Variants in ATXN7L1 observed in about 807,000 individuals in gnomAD.
ATXN7L1 encodes the protein ataxin 7 like 1.
Under a neutral mutation model 70.8 loss-of-function variants are expected in ATXN7L1, and 15 were observed. The observed-to-expected ratio is 0.21, with a 90% CI of 0.14 to 0.33. The LOEUF (loss-of-function observed/expected upper bound fraction) is 0.33. ATXN7L1 is among the 10% of genes least tolerant of loss of function. ATXN7L1 has a pLI of 1.00. For missense variants in ATXN7L1, 975 were observed against 1,097.1 expected, an observed-to-expected ratio of 0.89 and a Z score of 1.57; for synonymous variants, 440 against 445.1, an observed-to-expected ratio of 0.99 and a Z score of 0.14.
intron 2 of ATXN7L1, among the ~76,000 whole-genome samples, chr7:105,812,101 C>CG (rs1396327009): frequency 6.6e-6 from 1 of 152,208 alleles, no homozygotes. Flanking sequence ...TCTCAAGCCC[C>CG]CCTGGATGCT....
At chr7:105,861,660 G>A (rs1161834883) in intron 2 of ATXN7L1, among the ~76,000 whole-genome samples, 3 of 152,178 alleles carry the variant, frequency 2.0e-5, no homozygotes, top group South Asian at 2.1e-4. Context: ...TGTCAGAATC[G>A]CCACACACAG....
intron 3 of ATXN7L1, among the ~76,000 whole-genome samples, chr7:105,668,257 G>GA (rs1045523954): frequency 1.3e-5 from 2 of 151,638 alleles, no homozygotes; most frequent in Admixed American, 6.6e-5. Flanking sequence ...TTTTGAGACA[G>GA]AAAAAAAACT....
intron 7 of ATXN7L1, among the ~76,000 whole-genome samples, chr7:105,629,305 ACTCT>A (rs1187493207): frequency 6.6e-6 from 1 of 151,190 alleles, no homozygotes; most frequent in East Asian, 1.9e-4. Context: ...CTGGCACTCT[ACTCT>A]CTCTGTGAAT....
intron 9 of ATXN7L1, among the ~76,000 whole-genome samples, chr7:105,619,516 ATATATATATATATATTTTTTTT>A (rs1562900679): frequency 1.2e-4 from 3 of 24,058 alleles, no homozygotes; most frequent in Non-Finnish European, 2.6e-4. Context: ...ATATATATAT[ATATATATATATATATTTTTTTT>A]TTTTTTTTTT....
chr7:105,818,093 C>T (rs1809465445), intron 2 of ATXN7L1, among the ~76,000 whole-genome samples: 1 of 152,130 alleles, frequency 6.6e-6, no homozygotes, highest in African/African-American at 2.4e-5. Context: ...ATTCCAAAAG[C>T]ATTCTGGTGA....
chr7:105,785,504 T>C (rs1244061955), intron 3 of ATXN7L1, among the ~76,000 whole-genome samples: 1 of 151,262 alleles, frequency 6.6e-6, no homozygotes, highest in Non-Finnish European at 1.5e-5. Context: ...ATAACAGATA[T>C]GGAAAGCACT....
intron 3 of ATXN7L1, among the ~76,000 whole-genome samples, chr7:105,731,686 C>T (rs1051212982): frequency 6.1e-4 from 91 of 149,006 alleles, no homozygotes; most frequent in African/African-American, 1.6e-3. Context: ...CTGCCCGCCT[C>T]CACCTCCCAA....
At position 105,748,461 on chromosome 7, in the gene ATXN7L1, T is replaced by C. The variant is rs1798832995; in HGVS notation, c.355+40143A>G. 3.3e-5 allele frequency among the ~76,000 whole-genome samples: 5 copies of C among 152,344 alleles called. No homozygotes were observed. The South Asian group carries it at 1.0e-3, about 32-fold the overall frequency. On this transcript the variant is annotated intron_variant, in intron 3 of 11. Coordinates refer to ENST00000419735, the MANE Select transcript of ATXN7L1 (RefSeq NM_020725.2). ...TCTTAGGGATCTCTCTCCAGCTGCATGGCTCTGTAGTTCCATTTGATTGGA... is the reference window on the plus strand; with the variant it reads ...TCTTAGGGATCTCTCTCCAGCTGCACGGCTCTGTAGTTCCATTTGATTGGA...
chr7:105,703,288 A>G (rs182296744), intron 3 of ATXN7L1, among the ~76,000 whole-genome samples: 24 of 145,680 alleles, frequency 1.6e-4, no homozygotes, highest in African/African-American at 6.4e-4. Context: ...ATGGGCAAGA[A>G]GAGCGAAACT....
chr7:105,614,037 G>A lies in ATXN7L1; in HGVS notation c.2297C>T (p.Ser766Phe). 1 of 1,551,978 alleles carries A rather than the reference G, an allele frequency of 6.4e-7. No homozygotes were observed. The highest frequency in any genetic ancestry group is 8.7e-7 in the Non-Finnish European group (1 of 1,147,050). Residue 766 changes from serine (S) to phenylalanine (F), a missense_variant, in exon 10 of 12, where the codon TCT (serine) becomes TTT (phenylalanine). Coordinates refer to ENST00000419735, the MANE Select transcript of ATXN7L1 (RefSeq NM_020725.2). The surrounding 1 kb of genome is among the most constrained non-coding windows in gnomAD (Gnocchi z 4.3). ...TTTGTCAAAAGAGAGGGGCAGAGAA[G>A]ACACAGCATTGTGTGAGGCCAGAGA... ...DLSLASHNAV[S>F]SLPLSFDKSE...
chr7:105,740,785 A>AC (rs1299928670), intron 3 of ATXN7L1, among the ~76,000 whole-genome samples: 1 of 72,540 alleles, frequency 1.4e-5, no homozygotes, highest in Admixed American at 1.5e-4. Context: ...TTTTTTTTTT[A>AC]ATGGAGTCTC....
rs545948487 is a variant in ATXN7L1 at position 105,663,834 on chromosome 7, C to T, written c.578+1232G>A. Reference sequence around the variant, plus strand: ...AGGCTGGAGCGCAGTGGCACAATCTCGGCTCGCTGCAACCTCTGCCTCCCG... The same window carrying T: ...AGGCTGGAGCGCAGTGGCACAATCTTGGCTCGCTGCAACCTCTGCCTCCCG... On this transcript the variant is annotated intron_variant, in intron 4 of 11. Coordinates refer to ENST00000419735, the MANE Select transcript of ATXN7L1 (RefSeq NM_020725.2). Among the ~76,000 whole-genome samples the T allele has an allele frequency of 6.8e-4, 103 of 152,190 alleles. 1 individual carries two copies. Among genetic ancestry groups the T allele is most frequent in the Admixed American group, 3.0e-3 (46 of 15,286 alleles).
chr7:105,609,192 CAA>C (rs1276425157), intron 11 of ATXN7L1, among the ~76,000 whole-genome samples: 2 of 151,512 alleles, frequency 1.3e-5, no homozygotes, highest in East Asian at 3.9e-4. Context: ...TTTTTTGAGA[CAA>C]AGTCTCACTC....
intron 2 of ATXN7L1, among the ~76,000 whole-genome samples, chr7:105,858,471 A>G (rs1477476605): frequency 6.6e-6 from 1 of 152,224 alleles, no homozygotes; most frequent in Non-Finnish European, 1.5e-5. Context: ...TGATCCAGGC[A>G]AGGGTCATCA....
At chr7:105,844,019 T>C (rs956020975) in intron 2 of ATXN7L1, among the ~76,000 whole-genome samples, 3 of 152,218 alleles carry the variant, frequency 2.0e-5, no homozygotes, top group Admixed American at 2.0e-4. Flanking sequence ...CCCATTCACA[T>C]GGCTGGCATC....
At chr7:105,616,294 T>A (rs965586468) in intron 9 of ATXN7L1, among the ~76,000 whole-genome samples, 5 of 152,194 alleles carry the variant, frequency 3.3e-5, no homozygotes, top group South Asian at 2.1e-4. Context: ...CAGGACCAGG[T>A]GCCAGCGAAC....
At chr7:105,725,291 T>C (rs34433702) in intron 3 of ATXN7L1, among the ~76,000 whole-genome samples, 127 of 152,154 alleles carry the variant, frequency 8.3e-4, no homozygotes, top group Non-Finnish European at 1.6e-3. Flanking sequence ...TATAAAACAA[T>C]AATAGGTGGA....
chr7:105,654,900 C>G (rs1800381346), intron 4 of ATXN7L1, among the ~76,000 whole-genome samples: 1 of 149,510 alleles, frequency 6.7e-6, no homozygotes, highest in South Asian at 2.1e-4. Flanking sequence ...ACCACTACGC[C>G]TGGCTAATTT....
At chr7:105,660,138 G>A (rs1167095691) in intron 4 of ATXN7L1, among the ~76,000 whole-genome samples, 1 of 151,896 alleles carries the variant, frequency 6.6e-6, no homozygotes, top group African/African-American at 2.4e-5. Flanking sequence ...ACACACCACT[G>A]CCTGGATCCA....
Sources: gnomAD v4.1 joint callset for allele counts (sites outside exome capture counted in the v4.1 genomes callset) on GRCh38, gnomAD v4.1.1 for gene constraint, Gnocchi (gnomAD v3.1) non-coding constraint, MANE v1.5 for transcripts, NCBI Gene and HGNC (gene_info 2026-07-23, HGNC 2026-07-21) for gene names.